DEK: variants seen among roughly 807,000 people sequenced by gnomAD.
The protein encoded by DEK is protein DEK.
Under a neutral mutation model 46.8 loss-of-function variants are expected in DEK, and 28 were observed. The observed-to-expected ratio is 0.60, with a 90% confidence interval of 0.44 to 0.82. The LOEUF (loss-of-function observed/expected upper bound fraction) is 0.82. Ranked by LOEUF, DEK falls within the 40% of genes least tolerant of loss-of-function variation. The pLI, the probability that DEK is intolerant of heterozygous loss-of-function variation, is 0.00. For missense variants in DEK, 416 were observed against 430.6 expected (o/e 0.97, Z 0.30); for synonymous variants, 160 against 144.5 (o/e 1.11, Z -0.77).
At chr6:18,256,327 T>C (rs1265501975) in intron 5 of DEK, 34 bp downstream of exon 5, 10 of 1,543,254 alleles carry the variant, frequency 6.5e-6, no homozygotes, top group Non-Finnish European at 8.9e-6. Context: ...TAAAGCATAT[T>C]GATCAAAATA....
chr6:18,247,696 G>A (rs1018986301), intron 7 of DEK, among the ~76,000 whole-genome samples: 4 of 150,642 alleles, frequency 2.7e-5, no homozygotes, highest in East Asian at 1.9e-4. Context: ...TTTTTGAGAC[G>A]GAGTTTCGCT....
At chr6:18,244,468 TGAAGGAAGGC>T in intron 7 of DEK, 2 of 1,126,772 alleles carry the variant, frequency 1.8e-6, no homozygotes, top group South Asian at 2.6e-5. Context: ...AAGCACTTTT[TGAAGGAAGGC>T]AAAAAAAATC....
chr6:18,264,298 C>G (rs1792017715), intron 1 of DEK, 87 bp downstream of exon 1: 2 of 177,186 alleles, frequency 1.1e-5, no homozygotes, highest in South Asian at 3.6e-4. Context: ...CTCCCCCGCC[C>G]CAGGCCGCCG....
chr6:18,234,279 GATAT>G (rs34234830), intron 9 of DEK, among the ~76,000 whole-genome samples: 32,104 of 144,546 alleles, frequency 0.22, 4,571 homozygotes, highest in African/African-American at 0.4. Flanking sequence ...ATGGCACATG[GATAT>G]ATATATATAT....
intron 5 of DEK, 148 bp downstream of exon 5, chr6:18,256,213 C>T: frequency 1.6e-6 from 1 of 626,042 alleles, no homozygotes. Context: ...TCTCAAACTC[C>T]TGACCTCAGG....
chr6:18,238,868 C>G (rs745580300), intron 7 of DEK, among the ~76,000 whole-genome samples: 4 of 152,166 alleles, frequency 2.6e-5, no homozygotes, highest in South Asian at 4.1e-4. Context: ...CTTGACAGAA[C>G]GTTTCTCCAA....
chr6:18,252,592 T>C (rs1791435844), intron 6 of DEK, among the ~76,000 whole-genome samples: 1 of 142,292 alleles, frequency 7.0e-6, no homozygotes, highest in Non-Finnish European at 1.5e-5. Flanking sequence ...CAGAATCACA[T>C]ATGAAAAACT....
intron 7 of DEK, among the ~76,000 whole-genome samples, chr6:18,238,398 T>C (rs181942948): frequency 6.6e-6 from 1 of 151,830 alleles, no homozygotes; most frequent in African/African-American, 2.4e-5. Flanking sequence ...TACATAAATA[T>C]GGATAGATTA....
intron 8 of DEK, 139 bp from the exon 9 acceptor site, chr6:18,236,739 AC>A: frequency 1.9e-6 from 1 of 530,024 alleles, no homozygotes; most frequent in Non-Finnish European, 2.9e-6. Context: ...CTCTACAGTT[AC>A]CTATAAAACA....
chr6:18,253,236 C>T (rs1791468417), intron 6 of DEK, among the ~76,000 whole-genome samples: 1 of 152,006 alleles, frequency 6.6e-6, no homozygotes, highest in African/African-American at 2.4e-5. Flanking sequence ...CTAACTCAGA[C>T]TTAGGTATTT....
At chr6:18,250,432 G>A (rs967238696) in intron 6 of DEK, among the ~76,000 whole-genome samples, 1 of 152,058 alleles carries the variant, frequency 6.6e-6, no homozygotes, top group Admixed American at 6.5e-5. Flanking sequence ...TCGCGCCACT[G>A]CAGTCCAGCC....
At position 18,258,030 on chromosome 6, in the gene DEK, T is replaced by C. The variant is rs745780034; in HGVS notation, c.280A>G (p.Ile94Val). The C allele has an allele frequency of 4.3e-6, 7 of 1,610,444 alleles. No individual in the cohort carries two copies. The African/African-American group carries it at 5.4e-5, about 12-fold the overall frequency. The change falls in exon 4 of 11, where the codon ATA becomes GTA. Residue 94 changes from isoleucine (I) to valine (V), a missense_variant. Coordinates refer to ENST00000652689, the MANE Select transcript of DEK (RefSeq NM_003472.4). ...KGQKLCEIER[I>V]HFFLSKKKTD... Reference sequence around the variant, plus strand: ...TTCTTCTTACTTAGAAAAAAATGTATCCTCTCAATTTCACAAAGTTTCTGC... The same window carrying C: ...TTCTTCTTACTTAGAAAAAAATGTACCCTCTCAATTTCACAAAGTTTCTGC...
chr6:18,257,250 A>G (rs995459186), intron 4 of DEK, among the ~76,000 whole-genome samples: 4 of 152,250 alleles, frequency 2.6e-5, no homozygotes, highest in Non-Finnish European at 2.9e-5. Context: ...AAATGAGATC[A>G]TATGTATGAT....
At chr6:18,235,936 C>G (rs1287347384) in intron 9 of DEK, among the ~76,000 whole-genome samples, 1 of 152,128 alleles carries the variant, frequency 6.6e-6, no homozygotes, top group Admixed American at 6.6e-5. Context: ...TTATTTTACC[C>G]CAACAGACAA....
At chr6:18,237,790 T>C (rs530567571) in intron 7 of DEK, among the ~76,000 whole-genome samples, 123 of 152,182 alleles carry the variant, frequency 8.1e-4, no homozygotes, top group African/African-American at 2.8e-3. Context: ...CTACTTAATC[T>C]TGGGGGGGAC....
At position 18,262,492 on chromosome 6, in the gene DEK, C is replaced by T. The variant is rs139356976; in HGVS notation, c.145+1351G>A. Among the ~76,000 whole-genome samples, 525 of 152,242 alleles carry T rather than the reference C, an allele frequency of 3.4e-3. 4 individuals are homozygous for T. Among genetic ancestry groups the T allele is most frequent in the African/African-American group, 0.012 (505 of 41,532 alleles). On this transcript the variant is annotated intron_variant, in intron 2 of 10. Coordinates refer to ENST00000652689, the MANE Select transcript of DEK (RefSeq NM_003472.4). ...CTATTAGGGGATAAAATTTCTACAACATCATGTTTTTAAAAATAATTTGTC... is the reference window on the plus strand; with the variant it reads ...CTATTAGGGGATAAAATTTCTACAATATCATGTTTTTAAAAATAATTTGTC...
chr6:18,246,561 T>C (rs12111221), intron 7 of DEK, among the ~76,000 whole-genome samples: 4,627 of 152,334 alleles, frequency 0.03, 241 homozygotes, highest in African/African-American at 0.1. Flanking sequence ...AAAACTGTCA[T>C]TTCAATTAAC....
At position 18,232,078 on chromosome 6, in the gene DEK, G is replaced by A. The variant is rs546517903; in HGVS notation, c.1047+4374C>T. Reference sequence around the variant, plus strand: ...GTTCAACACACGCAAATCAACAAACGTAATCCATCATATAAACAGAACCAA... The same window carrying A: ...GTTCAACACACGCAAATCAACAAACATAATCCATCATATAAACAGAACCAA... On this transcript the variant is annotated intron_variant, in intron 9 of 10. Coordinates refer to ENST00000652689, the MANE Select transcript of DEK (RefSeq NM_003472.4). Among the ~76,000 whole-genome samples, 11 of 152,204 alleles carry A rather than the reference G, an allele frequency of 7.2e-5. No homozygotes were observed. The South Asian group carries it at 1.2e-3, about 17-fold the overall frequency.
intron 9 of DEK, among the ~76,000 whole-genome samples, chr6:18,230,977 G>C (rs1487795214): frequency 1.3e-5 from 2 of 152,174 alleles, no homozygotes; most frequent in Non-Finnish European, 2.9e-5. Context: ...ATAGTTGGAA[G>C]TAAAGCACTC....
Sources: gnomAD v4.1 joint callset for allele counts (sites outside exome capture counted in the v4.1 genomes callset) on GRCh38, gnomAD v4.1.1 for gene constraint, MANE v1.5 for transcripts, NCBI Gene and HGNC (gene_info 2026-07-23, HGNC 2026-07-21) for gene names.